The following ARFGAP3 variants were observed in gnomAD, a reference collection of about 807,000 sequenced individuals.
The protein encoded by ARFGAP3 is ADP-ribosylation factor GTPase-activating protein 3.
ARFGAP3 carries 72 observed loss-of-function variants against 75.0 expected under a neutral mutation model. That is an observed-to-expected ratio of 0.96 (90% CI 0.79 to 1.17). ARFGAP3 has a LOEUF of 1.17. Among genes scored for constraint, ARFGAP3 ranks in the 50% most tolerant of loss-of-function variants. The pLI, the probability that ARFGAP3 is intolerant of heterozygous loss-of-function variation, is 0.00. For missense variants in ARFGAP3, 620 were observed against 626.6 expected, an observed-to-expected ratio of 0.99 and a Z score of 0.11; for synonymous variants, 221 against 217.9, an observed-to-expected ratio of 1.01 and a Z score of -0.13.
intron 2 of ARFGAP3, among the ~76,000 whole-genome samples, chr22:42,842,854 T>C (rs1926845089): frequency 6.6e-6 from 1 of 152,112 alleles, no homozygotes; most frequent in Non-Finnish European, 1.5e-5. Context: ...AAAAAGGTTC[T>C]CCCCAGTGTC....
At chr22:42,837,675 CTTT>C (rs71186547) in intron 3 of ARFGAP3, among the ~76,000 whole-genome samples, 36 of 75,662 alleles carry the variant, frequency 4.8e-4, no homozygotes, top group African/African-American at 1.9e-3. Context: ...AGGCATACTT[CTTT>C]TTTTTTTTTT....
chr22:42,844,091 G>A (rs1431742912), intron 2 of ARFGAP3, among the ~76,000 whole-genome samples: 1 of 152,210 alleles, frequency 6.6e-6, no homozygotes, highest in African/African-American at 2.4e-5. Context: ...TCTGGCAGTG[G>A]GAGGGGAAGA....
At chr22:42,798,925 T>C (rs2146519765) in intron 15 of ARFGAP3, 114 bp downstream of exon 15, 1 of 858,070 alleles carries the variant, frequency 1.2e-6, no homozygotes, top group African/African-American at 1.6e-5. Flanking sequence ...AGCAAACATA[T>C]CGATCCAATA....
chr22:42,853,765 C>T (rs9611938), intron 1 of ARFGAP3: 7,584 of 159,578 alleles, frequency 0.048, 293 homozygotes, highest in African/African-American at 0.11. Context: ...AACACATTGC[C>T]GAAAAGGACC....
At chr22:42,840,805 C>G in intron 3 of ARFGAP3, 139 bp downstream of exon 3, 1 of 864,958 alleles carries the variant, frequency 1.2e-6, no homozygotes, top group South Asian at 1.8e-5. Flanking sequence ...AGTGATCCTC[C>G]CAAACGCCTG....
chr22:42,811,762 C>T (rs1925377297), intron 11 of ARFGAP3, among the ~76,000 whole-genome samples: 1 of 152,218 alleles, frequency 6.6e-6, no homozygotes, highest in Non-Finnish European at 1.5e-5. Context: ...GAGAGCAGCA[C>T]TCAGTGTTGG....
At chr22:42,839,962 A>C (rs937706265) in intron 3 of ARFGAP3, among the ~76,000 whole-genome samples, 1 of 151,878 alleles carries the variant, frequency 6.6e-6, no homozygotes, top group Non-Finnish European at 1.5e-5. Context: ...CACTGATCTC[A>C]CTCTATCAAC....
rs1602089696 is a variant in ARFGAP3, at chr22:42,803,127, T to C, written c.1411+3946A>G. On this transcript the variant is annotated intron_variant, in intron 14 of 15. Coordinates refer to ENST00000263245, the MANE Select transcript of ARFGAP3 (RefSeq NM_014570.5). ...CCTCCTGCCTTAGCCTCCGAGTAAT[T>C]GGAACTATAGGCATTAGCCATCGCA... 2.0e-5 allele frequency among the ~76,000 whole-genome samples: 3 copies of C among 152,264 alleles called. No homozygotes were observed. The South Asian group carries it at 6.2e-4, about 32-fold the overall frequency.
chr22:42,810,820 A>T lies in ARFGAP3; in HGVS notation c.1189T>A (p.Ser397Thr), dbSNP rs1925335459. The T allele has an allele frequency of 6.2e-7, 1 of 1,613,904 alleles. No homozygotes were observed. Among genetic ancestry groups the T allele is most frequent in the African/African-American group, 1.3e-5 (1 of 75,052 alleles). ...TETVLKTTGY[S>T]DRPTARRKPD... ...ACAGTTTTGCATTCATACCTGTCTG[A>T]ATAGCCTGTGGTTTTCAGAACTGTT... Residue 397 changes from serine to threonine, a missense_variant, in exon 12 of 16, where the codon TCA becomes ACA. Ser to Thr is a moderately conservative substitution (Grantham distance 58). Coordinates refer to ENST00000263245, the MANE Select transcript of ARFGAP3 (RefSeq NM_014570.5).
In ARFGAP3 at chr22:42,826,994, G is replaced by C. The variant is rs550214798; in HGVS notation, c.571C>G (p.Gln191Glu). 1 of 1,613,102 alleles carries C rather than the reference G, an allele frequency of 6.2e-7. No individual in the cohort carries two copies. Among genetic ancestry groups the C allele is most frequent in the Non-Finnish European group, 8.5e-7 (1 of 1,179,766 alleles). Residue 191 changes from glutamine to glutamate, a missense_variant, in exon 7 of 16, where the codon CAA (glutamine) becomes GAA (glutamate). By Grantham distance (29) the Gln-to-Glu change is conservative. Coordinates refer to ENST00000263245, the MANE Select transcript of ARFGAP3 (RefSeq NM_014570.5). ...ETTLENNEGGQEQGPSVEGLN... is the reference protein window; with the variant it reads ...ETTLENNEGGEEQGPSVEGLN... Reference sequence around the variant, plus strand: ...CCTTCCACACTTGGTCCTTGCTCTTGTCCACCTGAAAATTCAAAACATTGA... The same window carrying C: ...CCTTCCACACTTGGTCCTTGCTCTTCTCCACCTGAAAATTCAAAACATTGA...
At position 42,797,288 on chromosome 22, in the gene ARFGAP3, C is replaced by G; in HGVS notation, c.*300G>C. 1 of 377,592 alleles carries G rather than the reference C, an allele frequency of 2.6e-6. No individual in the cohort carries two copies. Among genetic ancestry groups the G allele is most frequent in the Non-Finnish European group, 4.8e-6 (1 of 207,942 alleles). The allele number at this position is 377,592 out of a possible 1,614,324, so 23.4% of individuals were successfully genotyped here. On this transcript the variant is annotated 3_prime_UTR_variant, in exon 16 of 16. Coordinates refer to ENST00000263245, the MANE Select transcript of ARFGAP3 (RefSeq NM_014570.5). ...CCTCCTGGTTCAGGAGCAGGAGGAG[C>G]CGAGGTCTCCAGGCCCTCAGTGTTG...
intron 9 of ARFGAP3, among the ~76,000 whole-genome samples, chr22:42,819,754 A>G (rs1195347343): frequency 1.3e-5 from 2 of 152,238 alleles, no homozygotes; most frequent in Non-Finnish European, 2.9e-5. Context: ...CAGTTTACTG[A>G]GCCGAAATAA....
intron 11 of ARFGAP3, 92 bp from the exon 12 acceptor site, chr22:42,811,036 C>T (rs1439202993): frequency 6.5e-7 from 1 of 1,528,608 alleles, no homozygotes; most frequent in Non-Finnish European, 8.8e-7. Context: ...GGGATGCCTC[C>T]TTGAAGTTAA....
chr22:42,829,176 C>T (rs9611927), intron 6 of ARFGAP3, among the ~76,000 whole-genome samples: 7,403 of 152,230 alleles, frequency 0.049, 288 homozygotes, highest in African/African-American at 0.11. Flanking sequence ...AAAAAACAAT[C>T]TCTCTCTGGA....
intron 6 of ARFGAP3, among the ~76,000 whole-genome samples, chr22:42,827,992 T>TA (rs1926115992): frequency 1.3e-5 from 2 of 152,316 alleles, no homozygotes; most frequent in African/African-American, 4.8e-5. Flanking sequence ...TAAAAATAGA[T>TA]AAAGTGTAGG....
intron 2 of ARFGAP3, among the ~76,000 whole-genome samples, chr22:42,846,038 CAAAAAAAAAAA>C (rs60266541): frequency 5.7e-5 from 5 of 88,110 alleles, no homozygotes; most frequent in Admixed American, 2.5e-4. Flanking sequence ...AACTCCATCT[CAAAAAAAAAAA>C]AAAAAAAAAA....
chr22:42,822,439 C>G (rs747708930), intron 8 of ARFGAP3, 30 bp from the exon 9 acceptor site: 46 of 1,602,888 alleles, frequency 2.9e-5, no homozygotes, highest in Non-Finnish European at 3.8e-5. Context: ...ATAGTCTACA[C>G]GAGCTGTTTG....
At chr22:42,842,011 C>CTTTTTTTTTTTTTTTTTTTTTTTTT (rs55825441) in intron 2 of ARFGAP3, among the ~76,000 whole-genome samples, 3 of 91,274 alleles carry the variant, frequency 3.3e-5, no homozygotes, top group African/African-American at 4.9e-5. Flanking sequence ...CCATGCCGGG[C>CTTTTTTTTTTTTTTTTTTTTTTTTT]TTTTTTTTTT....
intron 1 of ARFGAP3, among the ~76,000 whole-genome samples, chr22:42,854,781 C>G (rs1478331477): frequency 5.9e-5 from 9 of 152,148 alleles, no homozygotes; most frequent in Non-Finnish European, 1.2e-4. Flanking sequence ...GCTCATGTAT[C>G]TTAGAGCTGT....
Sources: allele counts gnomAD v4.1 joint callset (sites outside exome capture counted in the v4.1 genomes callset), GRCh38; gene constraint gnomAD v4.1.1; transcripts MANE v1.5; gene names NCBI Gene and HGNC (gene_info 2026-07-23, HGNC 2026-07-21).